Variants in ELAVL2 observed in about 807,000 individuals in gnomAD.
The protein encoded by ELAVL2 is ELAV-like protein 2.
A neutral mutation model predicts 34.6 loss-of-function variants in ELAVL2; 4 were observed. The observed-to-expected ratio is 0.12, with a 90% CI of 0.06 to 0.26. The LOEUF is 0.26. Among genes scored for constraint, ELAVL2 ranks in the 10% least tolerant of loss-of-function variants. ELAVL2 has a pLI of 1.00. For synonymous variants in ELAVL2, 193 were observed against 154.8 expected (o/e 1.25, Z -1.83); for missense variants, 432 against 442.8 (o/e 0.98, Z 0.22).
chr9:23,757,350 A>C (rs2053821172), intron 2 of ELAVL2, among the ~76,000 whole-genome samples: 1 of 152,084 alleles, frequency 6.6e-6, no homozygotes, highest in South Asian at 2.1e-4. Context: ...AGTGGCAAAG[A>C]GGAAACATCC....
the ELAVL2 span, among the ~76,000 whole-genome samples, chr9:23,841,812 T>A: frequency 4.6e-5 from 7 of 152,316 alleles, no homozygotes; most frequent in African/African-American, 1.7e-4. Flanking sequence ...ACTGGAAAAT[T>A]TTCTATTGGC....
intron 2 of ELAVL2, among the ~76,000 whole-genome samples, chr9:23,745,715 G>A (rs556867625): frequency 1.5e-4 from 23 of 152,226 alleles, no homozygotes; most frequent in Admixed American, 6.5e-5. Flanking sequence ...AACCAAAAGC[G>A]TTAACTGAAG....
Position 23,692,616 on chromosome 9 carries a change from G to T in ELAVL2, c.1021C>A (p.Arg341Ser), listed in dbSNP as rs759191278. ...AMAIASLNGY[R>S]LGDRVLQVSF... Reference sequence around the variant, plus strand: ...ACCTGCAGTACTCTGTCTCCCAGACGGTATCCATTGAGGCTAGCTATCGCC... The same window carrying T: ...ACCTGCAGTACTCTGTCTCCCAGACTGTATCCATTGAGGCTAGCTATCGCC... The change falls in exon 7 of 7, where the codon CGT (arginine) becomes AGT (serine). Residue 341 changes from arginine to serine, a missense_variant. Around this residue, in one of 3 missense-constraint regions of ELAVL2, gnomAD observed 295 missense variants for 306.1 expected, o/e 0.96. Transcript: ENST00000397312. The T allele has an allele frequency of 6.2e-7, 1 of 1,614,110 alleles. No individual in the cohort carries two copies. Among genetic ancestry groups the T allele is most frequent in the Non-Finnish European group, 8.5e-7 (1 of 1,179,982 alleles).
At chr9:23,836,108 A>G in the ELAVL2 span, among the ~76,000 whole-genome samples, 1 of 152,176 alleles carries the variant, frequency 6.6e-6, no homozygotes, top group African/African-American at 2.4e-5. Context: ...TACAAAATCC[A>G]TTTCTCTGAT....
intron 2 of ELAVL2, among the ~76,000 whole-genome samples, chr9:23,756,368 T>C (rs1422167577): frequency 6.6e-6 from 1 of 152,122 alleles, no homozygotes; most frequent in Non-Finnish European, 1.5e-5. Flanking sequence ...TTTTCCCCTT[T>C]TGTCAAAGTT....
chr9:23,731,308 A>G (rs2046476604), intron 2 of ELAVL2, among the ~76,000 whole-genome samples, 183 bp from the exon 3 acceptor site: 2 of 151,848 alleles, frequency 1.3e-5, no homozygotes, highest in Non-Finnish European at 2.9e-5. Flanking sequence ...TACATTTTCA[A>G]GTTTTAGAAC....
At chr9:23,779,706 A>C (rs1310937313) in intron 1 of ELAVL2, among the ~76,000 whole-genome samples, 1 of 152,028 alleles carries the variant, frequency 6.6e-6, no homozygotes, top group Non-Finnish European at 1.5e-5. Flanking sequence ...CATCCAATTC[A>C]TAAGGATGGT....
At chr9:23,780,528 C>G (rs1454883111) in intron 1 of ELAVL2, among the ~76,000 whole-genome samples, 1 of 152,060 alleles carries the variant, frequency 6.6e-6, no homozygotes, top group African/African-American at 2.4e-5. Context: ...TTTCCTGTGA[C>G]CTTCGTAAAA....
intron 1 of ELAVL2, among the ~76,000 whole-genome samples, chr9:23,824,867 GGCTACGT>G (rs1312643332): frequency 6.6e-6 from 1 of 152,138 alleles, no homozygotes; most frequent in African/African-American, 2.4e-5. Context: ...AGGGGGTGAG[GGCTACGT>G]GGCCGAGTTG....
chr9:23,713,258 A>C (rs1236568038), intron 3 of ELAVL2, among the ~76,000 whole-genome samples: 3 of 152,238 alleles, frequency 2.0e-5, no homozygotes, highest in Non-Finnish European at 4.4e-5. Context: ...CTTAGGCCAT[A>C]AATACCTTAC....
At chr9:23,796,938 G>A (rs1729047411) in intron 1 of ELAVL2, among the ~76,000 whole-genome samples, 3 of 152,088 alleles carry the variant, frequency 2.0e-5, no homozygotes, top group African/African-American at 7.2e-5. Flanking sequence ...GGATGCATTT[G>A]AGAGATAGCT....
chr9:23,737,984 G>GT (rs2048295430), intron 2 of ELAVL2, among the ~76,000 whole-genome samples: 1 of 152,146 alleles, frequency 6.6e-6, no homozygotes, highest in Non-Finnish European at 1.5e-5. Flanking sequence ...GAAAATTTTT[G>GT]TTTTTAATAA....
chr9:23,799,975 A>C (rs1463893517), intron 1 of ELAVL2, among the ~76,000 whole-genome samples: 1 of 152,186 alleles, frequency 6.6e-6, no homozygotes, highest in Non-Finnish European at 1.5e-5. Flanking sequence ...GGTGCAGGGG[A>C]CAGACCTAAT....
At chr9:23,748,851 TA>T (rs1160973307) in intron 2 of ELAVL2, among the ~76,000 whole-genome samples, 1 of 152,108 alleles carries the variant, frequency 6.6e-6, no homozygotes, top group Admixed American at 6.6e-5. Flanking sequence ...TGAAAACAAT[TA>T]TCATAATTTA....
intron 1 of ELAVL2, among the ~76,000 whole-genome samples, chr9:23,781,845 C>T (rs911189419): frequency 1.3e-5 from 2 of 152,028 alleles, no homozygotes; most frequent in African/African-American, 2.4e-5. Context: ...CCACCACGCC[C>T]GGCTAATTTT....
intron 3 of ELAVL2, among the ~76,000 whole-genome samples, chr9:23,726,713 G>T (rs190380626): frequency 1.4e-4 from 22 of 152,198 alleles, no homozygotes; most frequent in Admixed American, 1.4e-3. Flanking sequence ...TCTTGGAAAT[G>T]AATGATTTTA....
chr9:23,699,840 T>G (rs1424170598), intron 5 of ELAVL2, among the ~76,000 whole-genome samples: 1 of 85,782 alleles, frequency 1.2e-5, no homozygotes. Flanking sequence ...TTTTTTTTTT[T>G]TTTTTTTTTT....
intron 1 of ELAVL2, among the ~76,000 whole-genome samples, chr9:23,805,753 G>A (rs1419938317): frequency 6.6e-6 from 1 of 152,178 alleles, no homozygotes; most frequent in Non-Finnish European, 1.5e-5. Context: ...GCCGAAGAGG[G>A]TTCCACATGG....
rs113802282 is a variant in ELAVL2 at position 23,739,028 on chromosome 9, G to C, written c.230-7903C>G. Among the ~76,000 whole-genome samples, 39 of 152,244 alleles carry C rather than the reference G, an allele frequency of 2.6e-4. 2 individuals carry two copies. The highest frequency in any genetic ancestry group is 9.1e-4 in the African/African-American group (38 of 41,542). ...ACATTAAGAACTCCCACACAATTCAGTCTTAGACTATTGAGAACAGAAACA... is the reference window on the plus strand; with the variant it reads ...ACATTAAGAACTCCCACACAATTCACTCTTAGACTATTGAGAACAGAAACA... On this transcript the variant is annotated intron_variant, in intron 2 of 6. Coordinates refer to ENST00000397312, the MANE Select transcript of ELAVL2 (RefSeq NM_004432.5).
Sources: gnomAD v4.1 joint callset for allele counts (sites outside exome capture counted in the v4.1 genomes callset) on GRCh38, gnomAD v4.1.1 for gene constraint, gnomAD v4.1.1 regional missense constraint, MANE v1.5 for transcripts, NCBI Gene and HGNC (gene_info 2026-07-23, HGNC 2026-07-21) for gene names.